Variants in MTIF3 observed in about 807,000 individuals in gnomAD.
MTIF3 encodes the protein translation initiation factor IF-3, mitochondrial.
MTIF3 carries 13 observed loss-of-function variants against 20.7 expected under a neutral mutation model. The ratio of observed to expected loss-of-function variants is 0.63; its 90% confidence interval spans 0.41 to 1.00. The LOEUF is 1.00. Among genes scored for constraint, MTIF3 ranks in the 50% least tolerant of loss-of-function variants. The pLI is 0.00. For missense variants in MTIF3, 295 were observed against 324.5 expected, an observed-to-expected ratio of 0.91 and a Z score of 0.70; for synonymous variants, 114 against 112.5, an observed-to-expected ratio of 1.01 and a Z score of -0.08.
At chr13:27,437,383 A>T (rs1436754637) in intron 3 of MTIF3, 110 bp from the exon 4 acceptor site, 68 of 959,060 alleles carry the variant, frequency 7.1e-5, no homozygotes, top group Non-Finnish European at 1.0e-4. Flanking sequence ...CAATCTTCTC[A>T]TCTGGCTTTC....
chr13:27,444,364 C>T (rs1354030480), intron 2 of MTIF3, among the ~76,000 whole-genome samples: 1 of 151,942 alleles, frequency 6.6e-6, no homozygotes, highest in African/African-American at 2.4e-5. Context: ...AGTTCTTTGC[C>T]ACTAGTTTAA....
At chr13:27,448,128 A>C (rs1352562660) in intron 1 of MTIF3, among the ~76,000 whole-genome samples, 1 of 103,254 alleles carries the variant, frequency 9.7e-6, no homozygotes, top group African/African-American at 3.8e-5. Flanking sequence ...TATGTGGTTT[A>C]GTAGATATGA....
chr13:27,440,724 C>CTTTT (rs55860722), intron 2 of MTIF3, among the ~76,000 whole-genome samples: 1 of 147,780 alleles, frequency 6.8e-6, no homozygotes, highest in South Asian at 2.1e-4. Flanking sequence ...TTTGGTTTCA[C>CTTTT]TTTTTTTTTT....
At chr13:27,443,031 T>C (rs1954056228) in intron 2 of MTIF3, among the ~76,000 whole-genome samples, 1 of 152,254 alleles carries the variant, frequency 6.6e-6, no homozygotes, top group East Asian at 1.9e-4. Context: ...CAAGGAGCTA[T>C]GGCAGGGCTG....
chr13:27,447,623 C>A (rs1954223856), intron 1 of MTIF3, among the ~76,000 whole-genome samples: 1 of 152,160 alleles, frequency 6.6e-6, no homozygotes, highest in South Asian at 2.1e-4. Context: ...ACCTTTGTAA[C>A]CAAAACTCCT....
At position 27,437,179 on chromosome 13, in the gene MTIF3, T is replaced by C. The variant is rs765909342; in HGVS notation, c.555A>G (p.Lys185=). The change falls in exon 4 of 5, where the codon AAA becomes AAG. Residue 185 remains lysine (K), a synonymous_variant. Coordinates refer to ENST00000381120, the MANE Select transcript of MTIF3 (RefSeq NM_152912.5). ...KTKQIQQWIK[K]KHLVQITIKK... is the part of the protein sequence containing the mutation. ...TTATGGTAATCTGGACTAGGTGTTTTTTCTTAATCCACTGCTGAATCTGTT... is the reference window on the plus strand; with the variant it reads ...TTATGGTAATCTGGACTAGGTGTTTCTTCTTAATCCACTGCTGAATCTGTT... 16 of 1,614,202 alleles carry C rather than the reference T, an allele frequency of 9.9e-6. No homozygotes were observed. The highest frequency in any genetic ancestry group is 1.7e-4 in the Middle Eastern group (1 of 6,048).
intron 1 of MTIF3, among the ~76,000 whole-genome samples, chr13:27,449,407 G>A (rs972268048): frequency 3.0e-4 from 36 of 120,756 alleles, no homozygotes; most frequent in African/African-American, 1.1e-3. Flanking sequence ...ACTGCCCCGA[G>A]ATTAAAGATC....
intron 1 of MTIF3, among the ~76,000 whole-genome samples, chr13:27,447,338 T>C (rs1363111351): frequency 6.6e-6 from 1 of 152,182 alleles, no homozygotes; most frequent in African/African-American, 2.4e-5. Flanking sequence ...CCATGTTCTC[T>C]GATGAAAATC....
In MTIF3 at chr13:27,435,783, G is replaced by C. The variant is rs1218825; in HGVS notation, c.729C>G (p.Phe243Leu). ...TATATGCCTTCTCCTCATTTTTGCT[G>C]AAAGCACGAAGAACACACATTAAAG... ...GKALMCVLRA[F>L]SKNEEKAYKE... The change falls in exon 5 of 5, where the codon TTC becomes TTG. Residue 243 changes from phenylalanine to leucine, a missense_variant. By Grantham distance (22) the Phe-to-Leu change is conservative. Coordinates refer to ENST00000381120, the MANE Select transcript of MTIF3 (RefSeq NM_152912.5). 1,495,757 of 1,614,068 alleles carry C rather than the reference G, an allele frequency of 0.93. 699,542 individuals carry two copies. Among genetic ancestry groups the C allele is most frequent in the Non-Finnish European group, 0.96 (1,127,926 of 1,180,014 alleles).
intron 3 of MTIF3, 140 bp from the exon 4 acceptor site, chr13:27,437,413 T>C (rs575157432): frequency 2.8e-6 from 2 of 722,354 alleles, no homozygotes; most frequent in East Asian, 5.5e-5. Context: ...GACCAGTAAA[T>C]GTCTTTTCAA....
rs1208779201 is a variant in MTIF3 at position 27,436,408 on chromosome 13, T to TA, written c.619-516_619-515insT. 6.8e-5 allele frequency among the ~76,000 whole-genome samples: 10 copies of TA among 147,302 alleles called. No homozygotes were observed. The East Asian group carries it at 1.8e-3, about 26-fold the overall frequency. On this transcript the variant is annotated intron_variant, in intron 4 of 4. Transcript: ENST00000381120. ...AGTGGATGATAAAGTTATCTAACTT[T>TA]TAAAAAAAAAAAGCAAAATAGGTAT...
At chr13:27,444,506 C>A (rs1954111101) in intron 2 of MTIF3, among the ~76,000 whole-genome samples, 1 of 152,126 alleles carries the variant, frequency 6.6e-6, no homozygotes. Flanking sequence ...TCAAAACAGG[C>A]CCTTATAGAT....
At chr13:27,449,363 C>T (rs942985831) in intron 1 of MTIF3, among the ~76,000 whole-genome samples, 2 of 152,224 alleles carry the variant, frequency 1.3e-5, no homozygotes, top group African/African-American at 4.8e-5. Flanking sequence ...GCACTGCGGT[C>T]ACTACACCCA....
chr13:27,440,494 T>G (rs1358533232), intron 2 of MTIF3, 45 bp from the exon 3 acceptor site: 4 of 1,446,344 alleles, frequency 2.8e-6, no homozygotes. Flanking sequence ...AATCACTTAT[T>G]CCCTTGGTCT....
intron 2 of MTIF3, among the ~76,000 whole-genome samples, chr13:27,443,949 T>A (rs1035155469): frequency 3.9e-5 from 6 of 152,242 alleles, no homozygotes; most frequent in Non-Finnish European, 7.4e-5. Context: ...GTAGGTTTTT[T>A]AAAAAAGCTT....
intron 4 of MTIF3, 31 bp downstream of exon 4, chr13:27,437,085 A>G: frequency 6.2e-7 from 1 of 1,605,538 alleles, no homozygotes; most frequent in East Asian, 2.2e-5. Context: ...GACCCAAAGC[A>G]CAAGCAGTGG....
At chr13:27,436,416 A>G (rs1003533912) in intron 4 of MTIF3, among the ~76,000 whole-genome samples, 3 of 152,178 alleles carry the variant, frequency 2.0e-5, no homozygotes, top group African/African-American at 7.2e-5. Flanking sequence ...TTTTAAAAAA[A>G]AAAAGCAAAA....
At chr13:27,444,269 C>T (rs1056825332) in intron 2 of MTIF3, among the ~76,000 whole-genome samples, 1 of 151,484 alleles carries the variant, frequency 6.6e-6, no homozygotes, top group African/African-American at 2.4e-5. Context: ...TGCGCCACTG[C>T]ACTCCAGCCT....
intron 4 of MTIF3, 82 bp from the exon 5 acceptor site, chr13:27,435,975 A>C: frequency 8.7e-7 from 1 of 1,151,580 alleles, no homozygotes; most frequent in Non-Finnish European, 1.3e-6. Flanking sequence ...CATTCACAAA[A>C]ACTGGCACCC....
Sources: allele counts gnomAD v4.1 joint callset (sites outside exome capture counted in the v4.1 genomes callset), GRCh38; gene constraint gnomAD v4.1.1; transcripts MANE v1.5; gene names NCBI Gene and HGNC (gene_info 2026-07-23, HGNC 2026-07-21).